The following TCF4 variants were observed in gnomAD, a reference collection of about 807,000 sequenced individuals.
The protein encoded by TCF4 is SL3-3 enhancer factor 2.
TCF4 carries 3 observed loss-of-function variants against 82.1 expected under a neutral mutation model. The ratio of observed to expected loss-of-function variants is 0.04; its 90% CI spans 0.02 to 0.09. TCF4 has a LOEUF of 0.09. Ranked by LOEUF, TCF4 falls within the 10% of genes least tolerant of loss-of-function variation. The pLI, the probability that TCF4 is intolerant of heterozygous loss-of-function variation, is 1.00. For synonymous variants in TCF4, 276 were observed against 309.6 expected (o/e 0.89, Z 1.14); for missense variants, 518 against 852.7 (o/e 0.61, Z 4.89).
chr18:55,411,476 G>A (rs1401398492), intron 5 of TCF4, among the ~76,000 whole-genome samples: 1 of 152,002 alleles, frequency 6.6e-6, no homozygotes, highest in Admixed American at 6.5e-5. Flanking sequence ...ATATAAAAAT[G>A]AAAAAAAGCT....
chr18:55,403,576 C>T (rs780722760), intron 5 of TCF4, 58 bp from the exon 6 acceptor site: 2 of 1,613,536 alleles, frequency 1.2e-6, no homozygotes, highest in Admixed American at 1.7e-5. Flanking sequence ...AAAAAATCTC[C>T]TCCAGGTAAC....
At chr18:55,480,296 A>AAAGAGGG (rs1568175293) in intron 3 of TCF4, among the ~76,000 whole-genome samples, 1 of 63,356 alleles carries the variant, frequency 1.6e-5, no homozygotes, top group Non-Finnish European at 3.0e-5. Flanking sequence ...AAAAAAAAAA[A>AAAGAGGG]GCGGGGGGGC....
At chr18:55,459,651 C>T (rs2095836763) in intron 5 of TCF4, among the ~76,000 whole-genome samples, 1 of 152,100 alleles carries the variant, frequency 6.6e-6, no homozygotes, top group Non-Finnish European at 1.5e-5. Context: ...TCAAAAGCTG[C>T]CTTTTAAAAT....
At chr18:55,391,066 T>C (rs936739648) in intron 6 of TCF4, among the ~76,000 whole-genome samples, 1 of 152,206 alleles carries the variant, frequency 6.6e-6, no homozygotes, top group Non-Finnish European at 1.5e-5. Context: ...GACGATGTCA[T>C]AGCAGTGGCA....
chr18:55,448,006 G>C (rs889142547), intron 5 of TCF4, among the ~76,000 whole-genome samples: 2 of 123,914 alleles, frequency 1.6e-5, no homozygotes, highest in Non-Finnish European at 3.3e-5. Context: ...GGGATGATAT[G>C]GGGGGGGAGG....
chr18:55,380,654 T>C (rs1483045065), intron 6 of TCF4, among the ~76,000 whole-genome samples: 2 of 152,216 alleles, frequency 1.3e-5, no homozygotes, highest in Admixed American at 6.5e-5. Context: ...ATGTAATAAA[T>C]GTCAGTTCCG....
intron 6 of TCF4, among the ~76,000 whole-genome samples, chr18:55,380,174 G>A (rs955501965): frequency 2.0e-5 from 3 of 152,046 alleles, no homozygotes; most frequent in Non-Finnish European, 2.9e-5. Context: ...GAGCCACCAC[G>A]AGGGTCCTCT....
At chr18:55,335,196 C>T (rs888573316) in intron 8 of TCF4, among the ~76,000 whole-genome samples, 1 of 152,130 alleles carries the variant, frequency 6.6e-6, no homozygotes, top group African/African-American at 2.4e-5. Context: ...CATTTACATA[C>T]CATATGCCCT....
chr18:55,626,337 C>T (rs2097726514), intron 2 of TCF4, among the ~76,000 whole-genome samples: 9 of 152,036 alleles, frequency 5.9e-5, no homozygotes, highest in Admixed American at 5.9e-4. Flanking sequence ...CCATATTCCC[C>T]AGCTAAATTT....
intron 6 of TCF4, among the ~76,000 whole-genome samples, chr18:55,377,772 T>A (rs547127260): frequency 6.6e-6 from 1 of 152,322 alleles, no homozygotes; most frequent in East Asian, 1.9e-4. Context: ...ATCCAATAAA[T>A]GCTGTTACCA....
At chr18:55,377,121 A>T (rs1051007624) in intron 6 of TCF4, among the ~76,000 whole-genome samples, 1 of 152,046 alleles carries the variant, frequency 6.6e-6, no homozygotes, top group African/African-American at 2.4e-5. Context: ...CAACTAAGTG[A>T]CTCTCCATCA....
chr18:55,341,097 G>A (rs1269360734), intron 8 of TCF4, among the ~76,000 whole-genome samples: 3 of 152,210 alleles, frequency 2.0e-5, no homozygotes, highest in Non-Finnish European at 4.4e-5. Context: ...ATTTATTGTA[G>A]ATAGTCAAAT....
At chr18:55,347,304 G>C (rs1229789508) in intron 8 of TCF4, among the ~76,000 whole-genome samples, 1 of 151,844 alleles carries the variant, frequency 6.6e-6, no homozygotes, top group Non-Finnish European at 1.5e-5. Flanking sequence ...AGCTCTCGTG[G>C]GCAATTAGAT....
At chr18:55,618,499 A>G in intron 2 of TCF4, among the ~76,000 whole-genome samples, 1 of 151,686 alleles carries the variant, frequency 6.6e-6, no homozygotes, top group East Asian at 1.9e-4. Context: ...TTGTTAGTCT[A>G]TCTAAGGGTT....
At chr18:55,578,106 T>C (rs1013464985) in intron 3 of TCF4, among the ~76,000 whole-genome samples, 4 of 152,270 alleles carry the variant, frequency 2.6e-5, no homozygotes, top group African/African-American at 9.6e-5. Context: ...TGGGTCTTAC[T>C]TTGTTATTTT....
At chr18:55,400,035 A>T (rs1254445554) in intron 6 of TCF4, among the ~76,000 whole-genome samples, 1 of 152,114 alleles carries the variant, frequency 6.6e-6, no homozygotes, top group African/African-American at 2.4e-5. Context: ...AGAAGTAATA[A>T]CAAGTATTTG....
intron 2 of TCF4, among the ~76,000 whole-genome samples, chr18:55,624,322 T>G (rs938674449): frequency 1.3e-5 from 2 of 151,980 alleles, no homozygotes; most frequent in African/African-American, 4.8e-5. Flanking sequence ...TATTTAATAA[T>G]TTCAGAGAAG....
chr18:55,453,599 T>C (rs1179536425), intron 5 of TCF4, among the ~76,000 whole-genome samples: 1 of 152,114 alleles, frequency 6.6e-6, no homozygotes, highest in African/African-American at 2.4e-5. Context: ...GTTATACGAC[T>C]TGGATTAGTA....
In TCF4 at chr18:55,322,442, A is replaced by C. The variant is rs1411198928; in HGVS notation, c.549+27917T>G. On this transcript the variant is annotated intron_variant, in intron 8 of 19. Transcript: ENST00000354452. ...GGAGGGAAGAAAAAAAAAAAAAAAAAAAAAAAAACACCACGTCTCTGACCT... is the reference window on the plus strand; with the variant it reads ...GGAGGGAAGAAAAAAAAAAAAAAAACAAAAAAAACACCACGTCTCTGACCT... The C allele has an allele frequency of 2.4e-3, 2,375 of 1,008,488 alleles. 2 individuals are homozygous for C. The highest frequency in any genetic ancestry group is 2.6e-3 in the Non-Finnish European group (2,233 of 843,762). The allele number at this position is 1,008,488 out of a possible 1,614,324, so 62.5% of individuals were successfully genotyped here.
Sources: gnomAD v4.1 joint callset for allele counts (sites outside exome capture counted in the v4.1 genomes callset) on GRCh38, gnomAD v4.1.1 for gene constraint, MANE v1.5 for transcripts, NCBI Gene and HGNC (gene_info 2026-07-23, HGNC 2026-07-21) for gene names.